MRPS27: variants seen among roughly 807,000 people sequenced by gnomAD.
The protein encoded by MRPS27 is small ribosomal subunit protein mS27.
MRPS27 carries 43 observed loss-of-function variants against 48.9 expected under a neutral mutation model. The ratio of observed to expected loss-of-function variants is 0.88; its 90% confidence interval spans 0.69 to 1.13. The LOEUF is 1.13. Among genes scored for constraint, MRPS27 ranks in the 50% most tolerant of loss-of-function variants. The pLI, the probability that MRPS27 is intolerant of heterozygous loss-of-function variation, is 0.00. For missense variants in MRPS27, 467 were observed against 476.3 expected (o/e 0.98, Z 0.18); for synonymous variants, 188 against 171.9 (o/e 1.09, Z -0.73).
intron 4 of MRPS27, among the ~76,000 whole-genome samples, chr5:72,254,867 A>G (rs1748756076): frequency 2.0e-5 from 3 of 152,036 alleles, no homozygotes; most frequent in Admixed American, 2.0e-4. Context: ...GTTGTGTGAA[A>G]TGTTTAATGG....
chr5:72,266,626 G>C (rs566939380), intron 4 of MRPS27, among the ~76,000 whole-genome samples: 3 of 152,180 alleles, frequency 2.0e-5, no homozygotes, highest in African/African-American at 7.2e-5. Flanking sequence ...TTGGGAGGCC[G>C]AGGTGGGCAG....
At chr5:72,235,351 A>AAAAC (rs1382553299) in intron 5 of MRPS27, among the ~76,000 whole-genome samples, 10 of 152,266 alleles carry the variant, frequency 6.6e-5, no homozygotes, top group East Asian at 1.9e-4. Context: ...AGAGCTTTAA[A>AAAAC]AAACAAACAA....
chr5:72,224,583 T>C (rs576534314), intron 9 of MRPS27, among the ~76,000 whole-genome samples: 1 of 152,232 alleles, frequency 6.6e-6, no homozygotes, highest in East Asian at 1.9e-4. Flanking sequence ...CAAAGGCCAT[T>C]TTAAGTGTAT....
intron 5 of MRPS27, among the ~76,000 whole-genome samples, chr5:72,237,575 C>T (rs1371465208): frequency 6.6e-6 from 1 of 152,112 alleles, no homozygotes; most frequent in Non-Finnish European, 1.5e-5. Flanking sequence ...GTAAGTAAGA[C>T]TCAACTCTTG....
intron 4 of MRPS27, among the ~76,000 whole-genome samples, chr5:72,283,179 T>C (rs1000971269): frequency 2.6e-5 from 4 of 152,222 alleles, no homozygotes; most frequent in Admixed American, 2.6e-4. Context: ...GGGACTAAAC[T>C]GGTCCTAAGA....
intron 7 of MRPS27, 94 bp downstream of exon 7, chr5:72,232,347 CCA>C (rs1748085106): frequency 2.6e-6 from 2 of 774,922 alleles, no homozygotes; most frequent in Admixed American, 3.1e-5. Flanking sequence ...TTGTGCCTGG[CCA>C]CAGAGCTGCA....
chr5:72,283,541 T>C (rs1384924213), intron 4 of MRPS27, among the ~76,000 whole-genome samples: 1 of 152,172 alleles, frequency 6.6e-6, no homozygotes, highest in East Asian at 1.9e-4. Flanking sequence ...ATTCCGGAAG[T>C]TGGCAGGACT....
chr5:72,229,316 CA>C (rs1747986915), intron 7 of MRPS27: 2 of 151,882 alleles, frequency 1.3e-5, no homozygotes, highest in South Asian at 2.1e-4. Flanking sequence ...CATAGGCACC[CA>C]AACCTCTTTA....
At position 72,277,039 on chromosome 5, in the gene MRPS27, GA is replaced by G. The variant is rs201582390; in HGVS notation, c.281+18491del. Among the ~76,000 whole-genome samples, 566 of 151,064 alleles carry G rather than the reference GA, an allele frequency of 3.7e-3. 1 individual carries two copies. Among genetic ancestry groups the G allele is most frequent in the African/African-American group, 0.013 (550 of 41,224 alleles). On this transcript the variant is annotated intron_variant, in intron 4 of 10. Transcript: ENST00000261413. ...GAATGAGACTCCATCTCCAAAGGGGGAAAAAAAGTGAGCAAAGGACATGAAC... is the reference window on the plus strand; with the variant it reads ...GAATGAGACTCCATCTCCAAAGGGGGAAAAAAGTGAGCAAAGGACATGAAC...
intron 2 of MRPS27, among the ~76,000 whole-genome samples, chr5:72,304,906 A>G (rs1750220402): frequency 6.6e-6 from 1 of 152,248 alleles, no homozygotes; most frequent in Admixed American, 6.5e-5. Context: ...ACCTTACCTA[A>G]TTTATATAAT....
intron 3 of MRPS27, 79 bp from the exon 4 acceptor site, chr5:72,295,668 A>G: frequency 9.7e-7 from 1 of 1,031,726 alleles, no homozygotes; most frequent in Non-Finnish European, 1.5e-6. Context: ...TCACACATTG[A>G]CCTTAGAAAA....
At chr5:72,226,699 G>GA (rs58537193) in intron 8 of MRPS27, among the ~76,000 whole-genome samples, 4,002 of 147,842 alleles carry the variant, frequency 0.027, 85 homozygotes, top group Non-Finnish European at 0.041. Context: ...CAATCCTTAT[G>GA]AAAAAAAAAA....
intron 6 of MRPS27, 44 bp from the exon 7 acceptor site, chr5:72,232,602 G>T: frequency 7.6e-7 from 1 of 1,309,888 alleles, no homozygotes; most frequent in Non-Finnish European, 1.1e-6. Context: ...TTAGTTGTAG[G>T]TAATATTACT....
chr5:72,292,262 T>C (rs1425132208), intron 4 of MRPS27, among the ~76,000 whole-genome samples: 1 of 151,372 alleles, frequency 6.6e-6, no homozygotes, highest in Non-Finnish European at 1.5e-5. Context: ...CCTTAATCAT[T>C]TTTAGTTCAC....
At chr5:72,229,362 T>G (rs1747988802) in intron 7 of MRPS27, 2 of 152,142 alleles carry the variant, frequency 1.3e-5, no homozygotes, top group South Asian at 4.1e-4. Flanking sequence ...AAGTGTCATT[T>G]CTTGAGGCTG....
At chr5:72,286,237 G>A (rs1350015202) in intron 4 of MRPS27, among the ~76,000 whole-genome samples, 2 of 152,128 alleles carry the variant, frequency 1.3e-5, no homozygotes, top group Non-Finnish European at 2.9e-5. Flanking sequence ...TATACAAGAG[G>A]TGATTCTAAA....
At chr5:72,294,059 C>T (rs1749911148) in intron 4 of MRPS27, among the ~76,000 whole-genome samples, 1 of 152,074 alleles carries the variant, frequency 6.6e-6, no homozygotes, top group Non-Finnish European at 1.5e-5. Context: ...CCTAAAATTT[C>T]AACTTAGGAC....
chr5:72,308,300 C>A (rs895697032), intron 2 of MRPS27, among the ~76,000 whole-genome samples: 1 of 152,246 alleles, frequency 6.6e-6, no homozygotes, highest in Non-Finnish European at 1.5e-5. Flanking sequence ...GGGCACGGCT[C>A]AGGGGAGACG....
chr5:72,238,051 T>C lies in MRPS27; in HGVS notation c.359A>G (p.Asp120Gly). The C allele has an allele frequency of 1.2e-6, 2 of 1,613,544 alleles. No homozygotes were observed. Among genetic ancestry groups the C allele is most frequent in the Non-Finnish European group, 1.7e-6 (2 of 1,179,642 alleles). The stretch of plus-strand genomic sequence containing the variant: ...GGTATATAGGGCTTTGTCTTGTGCA[T>C]CATATTTTAGACACTGCCTAATCCA... ...HTWIRQCLKY[D>G]AQDKALYTLV... Residue 120 changes from aspartate to glycine, a missense_variant, in exon 5 of 11, where the codon GAT becomes GGT. By Grantham distance (94) the Asp-to-Gly change is moderately conservative. Coordinates refer to ENST00000261413, the MANE Select transcript of MRPS27 (RefSeq NM_015084.3).
Sources: allele counts gnomAD v4.1 joint callset (sites outside exome capture counted in the v4.1 genomes callset), GRCh38; gene constraint gnomAD v4.1.1; transcripts MANE v1.5; gene names NCBI Gene and HGNC (gene_info 2026-07-23, HGNC 2026-07-21).